HMCN1: variants seen among roughly 807,000 people sequenced by gnomAD.
The protein encoded by HMCN1 is hemicentin 1.
Under a neutral mutation model 625.9 loss-of-function variants are expected in HMCN1, and 321 were observed. That is an observed-to-expected ratio of 0.51 (90% CI 0.47 to 0.56). The LOEUF is 0.56. Among genes scored for constraint, HMCN1 ranks in the 20% least tolerant of loss-of-function variants. The pLI, the probability that HMCN1 is intolerant of heterozygous loss-of-function variation, is 0.00. For missense variants in HMCN1, 6,588 were observed against 6,887.3 expected (o/e 0.96, Z 1.54); for synonymous variants, 2,425 against 2,417.6 (o/e 1.00, Z -0.09).
intron 17 of HMCN1, among the ~76,000 whole-genome samples, chr1:185,981,296 T>C (rs1651614879): frequency 6.6e-6 from 1 of 152,014 alleles, no homozygotes; most frequent in Admixed American, 6.6e-5. Flanking sequence ...TTAAATAAAT[T>C]ATTTCAAATC....
rs79238732 is a variant in HMCN1 at position 186,137,048 on chromosome 1, G to A, written c.13582+111G>A. The A allele has an allele frequency of 3.2e-3, 4,099 of 1,281,986 alleles. 95 individuals are homozygous for A. The African/African-American group carries it at 0.054, about 17-fold the overall frequency. 79.4% of individuals were successfully genotyped at this position (1,281,986 alleles called of 1,614,324 possible). A position where few individuals can be genotyped will look rare whatever the true frequency, so the allele number is the denominator to read the frequency against. On this transcript the variant is annotated intron_variant, in intron 87 of 106. Coordinates refer to ENST00000271588, the MANE Select transcript of HMCN1 (RefSeq NM_031935.3). ...CTCCTGTCACCTTAACATACTTTTA[G>A]ATGATGGGGAGAGGACAAAATCATC... is the stretch of plus-strand genomic sequence containing the variant.
chr1:185,755,260 TTACATC>T (rs1655059727), intron 1 of HMCN1, among the ~76,000 whole-genome samples: 1 of 152,250 alleles, frequency 6.6e-6, no homozygotes, highest in African/African-American at 2.4e-5. Context: ...TTTAAAATTA[TTACATC>T]TACTTGGTAT....
intron 4 of HMCN1, among the ~76,000 whole-genome samples, chr1:185,876,858 G>T (rs1663970854): frequency 6.6e-6 from 1 of 151,442 alleles, no homozygotes; most frequent in Admixed American, 6.6e-5. Flanking sequence ...CCTTTCTATT[G>T]GTTTTCTTGT....
chr1:185,957,241 T>C (rs1649692402), intron 11 of HMCN1: 1 of 152,142 alleles, frequency 6.6e-6, no homozygotes, highest in African/African-American at 2.4e-5. Context: ...TCATGAAAAA[T>C]TCATAGTTGT....
chr1:185,797,932 C>T (rs1658512119), intron 1 of HMCN1, among the ~76,000 whole-genome samples: 1 of 107,292 alleles, frequency 9.3e-6, no homozygotes, highest in Admixed American at 1.0e-4. Context: ...CGCCACTGCA[C>T]TCCAGCCTGG....
At chr1:185,787,001 T>C (rs1474401135) in intron 1 of HMCN1, among the ~76,000 whole-genome samples, 1 of 152,230 alleles carries the variant, frequency 6.6e-6, no homozygotes, top group African/African-American at 2.4e-5. Context: ...ATTTTCTCTT[T>C]ATTTTTCTCT....
intron 7 of HMCN1, among the ~76,000 whole-genome samples, chr1:185,923,064 T>A (rs2102476336): frequency 6.6e-6 from 1 of 152,346 alleles, no homozygotes; most frequent in African/African-American, 2.4e-5. Context: ...TTTGTTCATT[T>A]ATTTTTATTG....
chr1:185,868,509 G>A (rs758208975), intron 4 of HMCN1, among the ~76,000 whole-genome samples: 1 of 152,038 alleles, frequency 6.6e-6, no homozygotes, highest in Non-Finnish European at 1.5e-5. Flanking sequence ...GTTTTATAAG[G>A]GGCCTTTCCC....
chr1:185,771,524 C>T (rs17505819), intron 1 of HMCN1, among the ~76,000 whole-genome samples: 63,639 of 151,944 alleles, frequency 0.42, 17,746 homozygotes, highest in African/African-American at 0.79. Context: ...TTTGTTATAC[C>T]GCTATTCACC....
At chr1:185,744,155 ATT>A (rs201702552) in intron 1 of HMCN1, among the ~76,000 whole-genome samples, 2 of 144,134 alleles carry the variant, frequency 1.4e-5, no homozygotes, top group African/African-American at 5.1e-5. Flanking sequence ...CACCCAGCTA[ATT>A]TTTTTTTTTT....
chr1:185,898,470 C>T (rs1311755133), intron 4 of HMCN1, among the ~76,000 whole-genome samples: 2 of 151,250 alleles, frequency 1.3e-5, no homozygotes, highest in African/African-American at 4.9e-5. Flanking sequence ...TGTAAGCAGA[C>T]TTTTTTTTTA....
chr1:185,878,228 T>G (rs1404398284), intron 4 of HMCN1, among the ~76,000 whole-genome samples: 2 of 152,164 alleles, frequency 1.3e-5, no homozygotes, highest in Admixed American at 1.3e-4. Context: ...TTTGGATGCT[T>G]TTCATTTTTT....
intron 1 of HMCN1, 56 bp from the exon 2 acceptor site, chr1:185,845,970 A>T: frequency 9.1e-7 from 1 of 1,098,806 alleles, no homozygotes; most frequent in Non-Finnish European, 1.4e-6. Context: ...AACACAAGAA[A>T]GTCTTTAATG....
intron 6 of HMCN1, among the ~76,000 whole-genome samples, chr1:185,914,738 G>A (rs1666607152): frequency 6.6e-6 from 1 of 151,444 alleles, no homozygotes; most frequent in Non-Finnish European, 1.5e-5. Flanking sequence ...TCCCTAAAAT[G>A]TTCTTTTCTC....
chr1:186,027,942 T>C (rs1246546907), intron 36 of HMCN1, among the ~76,000 whole-genome samples: 1 of 152,192 alleles, frequency 6.6e-6, no homozygotes, highest in Non-Finnish European at 1.5e-5. Flanking sequence ...AAATGTGGCT[T>C]AAAGGAGACT....
intron 2 of HMCN1, among the ~76,000 whole-genome samples, chr1:185,853,759 T>G (rs1199015923): frequency 6.6e-6 from 1 of 152,200 alleles, no homozygotes; most frequent in Non-Finnish European, 1.5e-5. Flanking sequence ...TTGAAGGCTA[T>G]TTTGACTGTT....
intron 2 of HMCN1, among the ~76,000 whole-genome samples, chr1:185,850,840 G>A (rs1487449507): frequency 1.3e-5 from 2 of 151,418 alleles, no homozygotes; most frequent in African/African-American, 4.9e-5. Flanking sequence ...AGAACAACCA[G>A]CAAGGGAAAA....
At chr1:186,106,175 A>G (rs978614063) in intron 69 of HMCN1, among the ~76,000 whole-genome samples, 8 of 152,166 alleles carry the variant, frequency 5.3e-5, no homozygotes, top group Non-Finnish European at 1.2e-4. Context: ...TTTTTCCAAA[A>G]TACATTTTTC....
intron 1 of HMCN1, among the ~76,000 whole-genome samples, chr1:185,769,828 C>T (rs1656117127): frequency 6.6e-6 from 1 of 152,140 alleles, no homozygotes; most frequent in Non-Finnish European, 1.5e-5. Context: ...TTCTTGTGGG[C>T]TCCCATCATC....
Sources: allele counts gnomAD v4.1 joint callset (sites outside exome capture counted in the v4.1 genomes callset), GRCh38; gene constraint gnomAD v4.1.1; transcripts MANE v1.5; gene names NCBI Gene and HGNC (gene_info 2026-07-23, HGNC 2026-07-21).